The following SLC16A5 variants were observed in gnomAD, a reference collection of about 807,000 sequenced individuals.
SLC16A5 encodes the protein solute carrier family 16 member 5, also known as monocarboxylate transporter 6.
In SLC16A5, 29 loss-of-function variants were observed where a neutral mutation model predicts 33.2. The ratio of observed to expected loss-of-function variants is 0.87; its 90% CI spans 0.65 to 1.19. SLC16A5 has a LOEUF of 1.19. Among genes scored for constraint, SLC16A5 ranks in the 50% most tolerant of loss-of-function variants. The pLI is 0.00. For missense variants in SLC16A5, 606 were observed against 678.2 expected, an observed-to-expected ratio of 0.89 and a Z score of 1.18; for synonymous variants, 248 against 284.1, an observed-to-expected ratio of 0.87 and a Z score of 1.28.
rs1342813107 is a variant in SLC16A5 at position 75,104,050 on chromosome 17, A to T, written c.1234A>T (p.Met412Leu). The change falls in exon 6 of 7, where the codon ATG becomes TTG. Residue 412 changes from methionine to leucine, a missense_variant. Transcript: ENST00000329783. ...SFFLISAALFMGGSFYALQKK... is the reference protein window; with the variant it reads ...SFFLISAALFLGGSFYALQKK... ...CTTCCTCATCTCAGCTGCCCTCTTC[A>T]TGGGTGGCAGCTTCTACGCCCTGCA... The T allele has an allele frequency of 1.9e-6, 3 of 1,614,038 alleles. No homozygotes were observed. Among genetic ancestry groups the T allele is most frequent in the African/African-American group, 2.7e-5 (2 of 74,904 alleles).
rs143973888 is a variant in SLC16A5 at position 75,100,358 on chromosome 17, T to C, written c.695T>C (p.Leu232Pro). 2 of 1,614,076 alleles carry C rather than the reference T, an allele frequency of 1.2e-6. No homozygotes were observed. The highest frequency in any genetic ancestry group is 2.7e-5 in the African/African-American group (2 of 74,922). ...TIQRHLAFDI[L>P]RHNTGYCVYI... Reference sequence around the variant, plus strand: ...CAGCGCCACCTGGCCTTCGACATCCTGCGGCACAACACAGGCTACTGCGTG... The same window carrying C: ...CAGCGCCACCTGGCCTTCGACATCCCGCGGCACAACACAGGCTACTGCGTG... The change falls in exon 5 of 7, where the codon CTG (leucine) becomes CCG (proline). Residue 232 changes from leucine (L) to proline (P), a missense_variant. Coordinates refer to ENST00000329783, the MANE Select transcript of SLC16A5 (RefSeq NM_004695.4).
At chr17:75,103,733 T>G (rs1007157047) in intron 5 of SLC16A5, among the ~76,000 whole-genome samples, 1 of 152,240 alleles carries the variant, frequency 6.6e-6, no homozygotes, top group Admixed American at 6.5e-5. Context: ...ACTAGTTCCC[T>G]ACCACCACAT....
At chr17:75,093,499 G>A (rs760561165) in intron 2 of SLC16A5, 90 bp from the exon 3 acceptor site, 1 of 1,536,914 alleles carries the variant, frequency 6.5e-7, no homozygotes, top group African/African-American at 1.4e-5. Flanking sequence ...ATGAGGAAGG[G>A]ATGGCTTAGC....
At position 75,100,666 on chromosome 17, in the gene SLC16A5, T is replaced by C; in HGVS notation, c.1003T>C (p.Cys335Arg). ...TGACTTCTGGGTGCTCGTGGGCTAC[T>C]GCCTGGCGTACAGCGTGTCCATGAG... ...SGDFWVLVGY[C>R]LAYSVSMSGI... The change falls in exon 5 of 7, where the codon TGC (cysteine) becomes CGC (arginine). Residue 335 changes from cysteine (C) to arginine (R), a missense_variant. Physicochemically the swap from Cys to Arg is radical, Grantham distance 180. Coordinates refer to ENST00000329783, the MANE Select transcript of SLC16A5 (RefSeq NM_004695.4). The C allele has an allele frequency of 6.2e-7, 1 of 1,614,234 alleles. No homozygotes were observed. Among genetic ancestry groups the C allele is most frequent in the Non-Finnish European group, 8.5e-7 (1 of 1,180,050 alleles).
At chr17:75,106,796 G>A (rs2073867921), downstream of SLC16A5, among the ~76,000 whole-genome samples, 1 of 152,072 alleles carries the variant, frequency 6.6e-6, no homozygotes, top group Admixed American at 6.6e-5. Flanking sequence ...TTGGGAGGCT[G>A]AGGCAGGAAA....
rs767266054 is a variant in SLC16A5, at chr17:75,100,656, C to T, written c.993C>T (p.Leu331=). The T allele has an allele frequency of 5.0e-6, 8 of 1,614,186 alleles. No individual in the cohort carries two copies. The highest frequency in any genetic ancestry group is 3.3e-5 in the Admixed American group (2 of 60,018). The change falls in exon 5 of 7, where the codon CTC becomes CTT. Residue 331 remains leucine (L), a synonymous_variant. Coordinates refer to ENST00000329783, the MANE Select transcript of SLC16A5 (RefSeq NM_004695.4). ...VCAASGDFWV[L]VGYCLAYSVS... ...CGGCATCAGGTGACTTCTGGGTGCTCGTGGGCTACTGCCTGGCGTACAGCG... is the reference window on the plus strand; with the variant it reads ...CGGCATCAGGTGACTTCTGGGTGCTTGTGGGCTACTGCCTGGCGTACAGCG...
chr17:75,108,854 C>T (rs1049603111), downstream of SLC16A5, among the ~76,000 whole-genome samples: 3 of 152,168 alleles, frequency 2.0e-5, no homozygotes, highest in Admixed American at 1.3e-4. Context: ...GCCCTTTGTG[C>T]AAGGTTGTGG....
chr17:75,106,049 C>T lies in SLC16A5; in HGVS notation c.*16C>T, dbSNP rs375610428. 71 of 1,341,406 alleles carry T rather than the reference C, an allele frequency of 5.3e-5. No individual in the cohort carries two copies. The African/African-American group carries it at 8.8e-4, about 17-fold the overall frequency. 83.1% of individuals were successfully genotyped at this position (1,341,406 alleles called of 1,614,324 possible). A position where few individuals can be genotyped will look rare whatever the true frequency, so the allele number is the denominator to read the frequency against. ...CCCTACCTGAGTGCCCTGTTTGACT[C>T]CGCCACTATCTGCCATGTGAGTTGG... On this transcript the variant is annotated 3_prime_UTR_variant, in exon 7 of 7. Coordinates refer to ENST00000329783, the MANE Select transcript of SLC16A5 (RefSeq NM_004695.4).
In SLC16A5 at chr17:75,098,064, C is replaced by T. The variant is rs371143070; in HGVS notation, c.226C>T (p.Arg76Cys). ...GCCCCTGTGCAGCATCCTGGTGGGA[C>T]GCTTCGGCTGCCGAGTGACCGTGAT... Reference protein sequence around the residue: ...AGPLCSILVGRFGCRVTVMLG... With the variant: ...AGPLCSILVGCFGCRVTVMLG... Residue 76 changes from arginine (R) to cysteine (C), a missense_variant, in exon 4 of 7, where the codon CGC becomes TGC. Physicochemically the swap from Arg to Cys is radical, Grantham distance 180 (BLOSUM62 -3). Coordinates refer to ENST00000329783, the MANE Select transcript of SLC16A5 (RefSeq NM_004695.4). 75 of 1,606,840 alleles carry T rather than the reference C, an allele frequency of 4.7e-5. 1 individual carries two copies. The highest frequency in any genetic ancestry group is 1.7e-4 in the South Asian group (15 of 90,156).
rs374823958 is a variant in SLC16A5, at chr17:75,098,187, T to C, written c.343+6T>C. Reference sequence around the variant, plus strand: ...CACAGCAGGATTCATCACAGGTGACTATCACTTCATCTCCAGAATTTATAG... The same window carrying C: ...CACAGCAGGATTCATCACAGGTGACCATCACTTCATCTCCAGAATTTATAG... On this transcript the variant is annotated splice_donor_region_variant and intron_variant, in intron 4 of 6. Coordinates refer to ENST00000329783, the MANE Select transcript of SLC16A5 (RefSeq NM_004695.4). 8.7e-6 allele frequency: 14 copies of C among 1,612,482 alleles called. No individual in the cohort carries two copies. The African/African-American group carries it at 1.9e-4, about 22-fold the overall frequency.
downstream of SLC16A5, among the ~76,000 whole-genome samples, chr17:75,108,537 G>T (rs935728102): frequency 6.6e-6 from 1 of 152,124 alleles, no homozygotes; most frequent in Non-Finnish European, 1.5e-5. Context: ...CCTTCATCCG[G>T]GCCCAGGGCT....
intron 4 of SLC16A5, among the ~76,000 whole-genome samples, chr17:75,098,431 T>C (rs2073748777): frequency 6.6e-6 from 1 of 151,952 alleles, no homozygotes; most frequent in African/African-American, 2.4e-5. Context: ...CCAGGCTTGG[T>C]GGCGGGCCCC....
rs971527711 is a variant in SLC16A5 at position 75,105,937 on chromosome 17, T to C, written c.1422T>C (p.Cys474=). ...PAGVNKHLWG[C]PASSRTSHEW... is the part of the protein sequence containing the mutation. ...GCGTCAATAAGCATCTTTGGGGATG[T>C]CCTGCCTCCTCCAGGACCAGCCATG... Residue 474 remains cysteine (C), a synonymous_variant, in exon 7 of 7, where the codon TGT becomes TGC. Transcript: ENST00000329783. The C allele has an allele frequency of 9.3e-6, 15 of 1,612,032 alleles. No individual in the cohort carries two copies. The highest frequency in any genetic ancestry group is 3.3e-5 in the Admixed American group (2 of 59,888).
intron 3 of SLC16A5, among the ~76,000 whole-genome samples, chr17:75,094,684 C>CCAA (rs1555645295): frequency 7.2e-6 from 1 of 139,546 alleles, no homozygotes; most frequent in Non-Finnish European, 1.5e-5. Context: ...GAAACTGTCT[C>CCAA]AAAAAAAAAA....
At chr17:75,093,391 G>C in intron 2 of SLC16A5, 198 bp from the exon 3 acceptor site, 2 of 1,535,382 alleles carry the variant, frequency 1.3e-6, no homozygotes, top group East Asian at 4.9e-5. Context: ...TGCCAGGCTG[G>C]CTCTGGGAAG....
chr17:75,088,488 C>T (rs2073597509), intron 1 of SLC16A5, among the ~76,000 whole-genome samples: 1 of 152,102 alleles, frequency 6.6e-6, no homozygotes, highest in African/African-American at 2.4e-5. Context: ...GTGATTTGCC[C>T]CAGCCACCCC....
At chr17:75,099,795 C>G (rs533296344) in intron 4 of SLC16A5, among the ~76,000 whole-genome samples, 96 of 152,304 alleles carry the variant, frequency 6.3e-4, no homozygotes, top group African/African-American at 2.1e-3. Flanking sequence ...CAGGGATGCC[C>G]TGGCAGCCTT....
At chr17:75,092,710 G>C (rs2073656037) in intron 2 of SLC16A5, among the ~76,000 whole-genome samples, 1 of 151,952 alleles carries the variant, frequency 6.6e-6, no homozygotes, top group Non-Finnish European at 1.5e-5. Context: ...ATCCAAGTGT[G>C]TGTCTCTGTG....
downstream of SLC16A5, among the ~76,000 whole-genome samples, chr17:75,109,238 G>A (rs1021614837): frequency 3.3e-5 from 5 of 152,176 alleles, no homozygotes; most frequent in Non-Finnish European, 5.9e-5. The surrounding 1 kb of genome is among the most constrained non-coding windows in gnomAD (Gnocchi z 5.0). Context: ...CCCCCGTGCT[G>A]CCCCGGGCGC....
Sources: allele counts gnomAD v4.1 joint callset (sites outside exome capture counted in the v4.1 genomes callset), GRCh38; gene constraint gnomAD v4.1.1; non-coding constraint Gnocchi (gnomAD v3.1); transcripts MANE v1.5; gene names NCBI Gene and HGNC (gene_info 2026-07-23, HGNC 2026-07-21).